Variants in HERC4 observed in about 807,000 individuals in gnomAD.
HERC4 encodes HECT and RLD domain containing E3 ubiquitin protein ligase 4.
Under a neutral mutation model 124.3 loss-of-function variants are expected in HERC4, and 28 were observed. The observed-to-expected ratio is 0.23, with a 90% CI of 0.17 to 0.31. HERC4 has a LOEUF of 0.31. HERC4 is among the 10% of genes least tolerant of loss of function. The probability of loss-of-function intolerance (pLI) is 1.00; values close to 1 mark genes in which losing one functional copy is unlikely to be tolerated. For synonymous variants in HERC4, 407 were observed against 421.5 expected, an observed-to-expected ratio of 0.97 and a Z score of 0.42; for missense variants, 713 against 1,229.3, an observed-to-expected ratio of 0.58 and a Z score of 6.28.
chr10:67,980,360 C>T (rs557206890), intron 15 of HERC4, among the ~76,000 whole-genome samples: 4 of 152,062 alleles, frequency 2.6e-5, no homozygotes, highest in Non-Finnish European at 5.9e-5. Flanking sequence ...CTCGAACTCC[C>T]GACCTCAGGT....
chr10:68,030,019 T>G (rs1486356633), intron 7 of HERC4, among the ~76,000 whole-genome samples: 1 of 152,060 alleles, frequency 6.6e-6, no homozygotes, highest in Non-Finnish European at 1.5e-5. Flanking sequence ...ATTACAGGTG[T>G]GAGCCACTGT....
At chr10:68,022,540 T>TAAAA (rs1554822130) in intron 8 of HERC4, among the ~76,000 whole-genome samples, 2 of 148,484 alleles carry the variant, frequency 1.3e-5, no homozygotes, top group South Asian at 2.1e-4. Context: ...AATAAATAAA[T>TAAAA]AAAATTCAAA....
rs758407884 is a variant in HERC4, at chr10:67,955,139, C to T, written c.2026-9G>A. The T allele has an allele frequency of 6.4e-7, 1 of 1,570,254 alleles. No individual in the cohort carries two copies. Among genetic ancestry groups the T allele is most frequent in the South Asian group, 1.2e-5 (1 of 84,850 alleles). ...GCCTGATCAATAGCCATCTGGAAAA[C>T]AAAAGATTAACATTTTAACAGCAAT... On this transcript the variant is annotated splice_polypyrimidine_tract_variant and intron_variant, in intron 17 of 24. Coordinates refer to ENST00000373700, the MANE Select transcript of HERC4 (RefSeq NM_015601.4).
At chr10:68,039,634 A>G (rs2039661231) in intron 4 of HERC4, 3 of 1,373,360 alleles carry the variant, frequency 2.2e-6, no homozygotes, top group Non-Finnish European at 2.8e-6. Context: ...GAATCCAACA[A>G]ATTAGCAGGA....
At chr10:67,927,765 G>A (rs1427423290) in intron 23 of HERC4, among the ~76,000 whole-genome samples, 5 of 152,008 alleles carry the variant, frequency 3.3e-5, no homozygotes. Flanking sequence ...TTAACTGAAT[G>A]AACACTTAAA....
At chr10:67,992,139 T>A in intron 11 of HERC4, 60 bp downstream of exon 11, 2 of 1,526,630 alleles carry the variant, frequency 1.3e-6, no homozygotes, top group Non-Finnish European at 9.0e-7. Flanking sequence ...TCAGGCAATC[T>A]GCCTGGTGCT....
At chr10:67,969,710 T>C (rs1030855259) in intron 15 of HERC4, among the ~76,000 whole-genome samples, 1 of 152,054 alleles carries the variant, frequency 6.6e-6, no homozygotes, top group Non-Finnish European at 1.5e-5. Context: ...CAGAATCTTA[T>C]ATCAGTAGGA....
chr10:67,989,456 T>A (rs1430283178), intron 14 of HERC4, among the ~76,000 whole-genome samples: 1 of 152,046 alleles, frequency 6.6e-6, no homozygotes, highest in Non-Finnish European at 1.5e-5. Context: ...AATACTCTTT[T>A]CAGTCCCTGC....
chr10:68,010,099 T>C (rs932313248), intron 9 of HERC4: 5 of 702,706 alleles, frequency 7.1e-6, no homozygotes, highest in South Asian at 1.5e-5. Context: ...ATTCCTTCCT[T>C]ACTGAATGAA....
intron 3 of HERC4, among the ~76,000 whole-genome samples, chr10:68,047,200 G>GA (rs34624828): frequency 2.3e-4 from 33 of 143,162 alleles, no homozygotes; most frequent in Non-Finnish European, 3.3e-4. Context: ...ACTTCTTAGG[G>GA]AAAAAAAAAA....
intron 3 of HERC4, chr10:68,067,208 A>G (rs1338689836): frequency 2.6e-5 from 4 of 152,754 alleles, no homozygotes; most frequent in African/African-American, 9.6e-5. Flanking sequence ...AATTCCTCAG[A>G]TGTAGGGTCC....
chr10:68,068,950 C>A, intron 3 of HERC4: 1 of 587,284 alleles, frequency 1.7e-6, no homozygotes, highest in Non-Finnish European at 2.1e-6. Context: ...TGAGATACTC[C>A]ATTTGAAAGA....
chr10:67,957,396 TATA>T (rs1372801669), intron 16 of HERC4, among the ~76,000 whole-genome samples: 1 of 152,200 alleles, frequency 6.6e-6, no homozygotes, highest in Non-Finnish European at 1.5e-5. Flanking sequence ...AGATATTGAG[TATA>T]ATGTCATTAG....
intron 24 of HERC4, among the ~76,000 whole-genome samples, chr10:67,924,204 G>T (rs182263711): frequency 7.2e-5 from 11 of 152,244 alleles, no homozygotes; most frequent in African/African-American, 2.6e-4. Context: ...TGTGTCAACT[G>T]TTTTTCTTGA....
intron 19 of HERC4, among the ~76,000 whole-genome samples, chr10:67,942,248 T>A (rs1406553288): frequency 6.6e-6 from 1 of 152,222 alleles, no homozygotes; most frequent in Non-Finnish European, 1.5e-5. Flanking sequence ...TTATCTCATA[T>A]GGTTGTTGTG....
In HERC4 at chr10:68,073,235, A is replaced by G; in HGVS notation, c.-78-49T>C. 4.5e-6 allele frequency: 3 copies of G among 663,800 alleles called. No homozygotes were observed. The South Asian group carries it at 5.8e-5, about 13-fold the overall frequency. 41.1% of individuals were successfully genotyped at this position (663,800 alleles called of 1,614,324 possible). A position where few individuals can be genotyped will look rare whatever the true frequency, so the allele number is the denominator to read the frequency against. On this transcript the variant is annotated intron_variant, in intron 2 of 24. Coordinates refer to ENST00000373700, the MANE Select transcript of HERC4 (RefSeq NM_015601.4). ...TATGACTTCAAAGAAAAAAGGATGT[A>G]TAATTGCTCTTTCAAGTGCTAGGCT...
At chr10:68,027,446 T>C (rs2038961114) in intron 7 of HERC4, among the ~76,000 whole-genome samples, 1 of 152,204 alleles carries the variant, frequency 6.6e-6, no homozygotes, top group East Asian at 1.9e-4. Context: ...CCCACAAATG[T>C]GTATCTTCAA....
chr10:68,018,900 CTTTT>C (rs34948748), intron 8 of HERC4, among the ~76,000 whole-genome samples: 6 of 93,154 alleles, frequency 6.4e-5, no homozygotes, highest in East Asian at 3.2e-4. Flanking sequence ...CCCCACAAGG[CTTTT>C]TTTTTTTTTT....
intron 15 of HERC4, among the ~76,000 whole-genome samples, chr10:67,979,752 C>T (rs779762298): frequency 3.9e-5 from 6 of 152,112 alleles, no homozygotes; most frequent in East Asian, 1.9e-4. Flanking sequence ...CCAGCTAACA[C>T]GGTGAAACCT....
Sources: gnomAD v4.1 joint callset for allele counts (sites outside exome capture counted in the v4.1 genomes callset) on GRCh38, gnomAD v4.1.1 for gene constraint, MANE v1.5 for transcripts, NCBI Gene and HGNC (gene_info 2026-07-23, HGNC 2026-07-21) for gene names.